The following ZFP2 variants were observed in gnomAD, a reference collection of about 807,000 sequenced individuals.
The protein encoded by ZFP2 is zinc finger protein ZFP2.
In ZFP2, 33 loss-of-function variants were observed where a neutral mutation model predicts 36.1. The ratio of observed to expected loss-of-function variants is 0.92; its 90% confidence interval spans 0.69 to 1.22. The LOEUF is 1.22. Among genes scored for constraint, ZFP2 ranks in the 50% most tolerant of loss-of-function variants. ZFP2 has a pLI of 0.00. For missense variants in ZFP2, 522 were observed against 551.4 expected, an observed-to-expected ratio of 0.95 and a Z score of 0.53; for synonymous variants, 170 against 178.0, an observed-to-expected ratio of 0.96 and a Z score of 0.36.
intron 1 of ZFP2, chr5:178,910,374 C>T (rs1438908120): frequency 2.6e-5 from 27 of 1,022,770 alleles, no homozygotes; most frequent in South Asian, 3.8e-5. Context: ...CTCCTCGGCA[C>T]TGGAGTTGGA....
Position 178,931,141 on chromosome 5 carries a change from T to G in ZFP2, c.-77-96T>G. The G allele has an allele frequency of 2.3e-6, 3 of 1,320,268 alleles. No individual in the cohort carries two copies. The East Asian group carries it at 8.0e-5, about 35-fold the overall frequency. 81.8% of individuals were successfully genotyped at this position (1,320,268 alleles called of 1,614,324 possible). On this transcript the variant is annotated intron_variant, in intron 4 of 4. Transcript: ENST00000361362. ...CAAATGTGCTCAGCAGTTATTTTAGTTGATAGCTAGTTTAATTCTCTCATT... is the reference window on the plus strand; with the variant it reads ...CAAATGTGCTCAGCAGTTATTTTAGGTGATAGCTAGTTTAATTCTCTCATT...
At position 178,913,024 on chromosome 5, in the gene ZFP2, G is replaced by A. The variant is rs1229249199; in HGVS notation, c.-271G>A. On this transcript the variant is annotated 5_prime_UTR_variant, in exon 3 of 5. Coordinates refer to ENST00000361362, the MANE Select transcript of ZFP2 (RefSeq NM_030613.4). ...CCCAATGGGACTTCCCAGCTGGAAC[G>A]AGAACTGAGTCTGATGCAAAAAGAA... The A allele has an allele frequency of 6.1e-6, 6 of 985,768 alleles. No individual in the cohort carries two copies. The highest frequency in any genetic ancestry group is 3.5e-5 in the African/African-American group (2 of 57,224). 61.1% of individuals were successfully genotyped at this position (985,768 alleles called of 1,614,324 possible).
At chr5:178,929,681 A>G (rs569171507) in intron 4 of ZFP2, among the ~76,000 whole-genome samples, 4 of 152,146 alleles carry the variant, frequency 2.6e-5, no homozygotes, top group Admixed American at 1.3e-4. Context: ...AGATGTTCCA[A>G]ACTCTCTCTT....
intron 1 of ZFP2, among the ~76,000 whole-genome samples, chr5:178,907,813 A>G (rs1363965444): frequency 6.6e-6 from 1 of 152,224 alleles, no homozygotes; most frequent in Non-Finnish European, 1.5e-5. Flanking sequence ...AAAGAAAACT[A>G]TCAAAGAAGT....
intron 1 of ZFP2, among the ~76,000 whole-genome samples, chr5:178,911,353 G>A (rs1475427417): frequency 6.6e-6 from 1 of 152,046 alleles, no homozygotes; most frequent in Non-Finnish European, 1.5e-5. Context: ...ACACAAATTT[G>A]AACTACACAG....
Position 178,932,458 on chromosome 5 carries a change from A to G in ZFP2, c.1145A>G (p.Tyr382Cys). The change falls in exon 5 of 5, where the codon TAT becomes TGT. Residue 382 changes from tyrosine (Y) to cysteine (C), a missense_variant. Tyr to Cys is a radical substitution (Grantham distance 194, BLOSUM62 -2). Coordinates refer to ENST00000361362, the MANE Select transcript of ZFP2 (RefSeq NM_030613.4). ...GTCATTCACACTGGAGAGAAACCTTATGAGTGCAATGAATGTGGAAAGGCA... is the reference window on the plus strand; with the variant it reads ...GTCATTCACACTGGAGAGAAACCTTGTGAGTGCAATGAATGTGGAAAGGCA... The part of the protein sequence containing the change: ...HQVIHTGEKP[Y>C]ECNECGKAFS... The G allele has an allele frequency of 6.2e-7, 1 of 1,614,138 alleles. No homozygotes were observed.
At chr5:178,911,131 A>G (rs1758290590) in intron 1 of ZFP2, among the ~76,000 whole-genome samples, 1 of 152,204 alleles carries the variant, frequency 6.6e-6, no homozygotes, top group Non-Finnish European at 1.5e-5. Context: ...GATTTTTAAT[A>G]TATTTTTGTA....
Position 178,917,298 on chromosome 5 carries a change from G to A in ZFP2, c.-78+588G>A, listed in dbSNP as rs146255607. ...TAACCATCCCTAAACATAGGAGCCT[G>A]CTGTCTGTGTTTCACACATGATTTT... On this transcript the variant is annotated intron_variant, in intron 4 of 4. Coordinates refer to ENST00000361362, the MANE Select transcript of ZFP2 (RefSeq NM_030613.4). Among the ~76,000 whole-genome samples the A allele has an allele frequency of 5.0e-3, 761 of 152,272 alleles. 7 individuals are homozygous for A. Among genetic ancestry groups the A allele is most frequent in the African/African-American group, 0.018 (738 of 41,548 alleles).
chr5:178,929,247 T>C (rs142486783), intron 4 of ZFP2, among the ~76,000 whole-genome samples: 46 of 151,600 alleles, frequency 3.0e-4, no homozygotes, highest in African/African-American at 1.0e-3. Context: ...GGGTCCTTTT[T>C]ACTCATGCAA....
chr5:178,898,900 C>T (rs1474473564), intron 1 of ZFP2, among the ~76,000 whole-genome samples: 2 of 152,220 alleles, frequency 1.3e-5, no homozygotes, highest in African/African-American at 4.8e-5. Flanking sequence ...AAGTTATATG[C>T]AAGCTGGTGC....
At chr5:178,897,643 A>AAT (rs768354565) in intron 1 of ZFP2, among the ~76,000 whole-genome samples, 4 of 152,272 alleles carry the variant, frequency 2.6e-5, no homozygotes, top group East Asian at 3.9e-4. Flanking sequence ...TCTTGAATGA[A>AAT]ATATATATAT....
chr5:178,914,660 G>C (rs563918784), intron 3 of ZFP2, among the ~76,000 whole-genome samples: 15 of 152,062 alleles, frequency 9.9e-5, no homozygotes, highest in South Asian at 4.1e-4. Context: ...AGAAGGGAGG[G>C]GGGGACAGAA....
At chr5:178,903,289 G>A (rs1250225135) in intron 1 of ZFP2, among the ~76,000 whole-genome samples, 2 of 152,100 alleles carry the variant, frequency 1.3e-5, no homozygotes, top group East Asian at 3.9e-4. Context: ...AGTATGAATT[G>A]TCTAGGTGTT....
At chr5:178,909,562 A>G in intron 1 of ZFP2, 1 of 649,298 alleles carries the variant, frequency 1.5e-6, no homozygotes, top group Non-Finnish European at 2.2e-6. Flanking sequence ...TGTAGCCCCC[A>G]CGGCCTGGTG....
chr5:178,920,029 C>T (rs372053473), intron 4 of ZFP2, among the ~76,000 whole-genome samples: 1 of 152,014 alleles, frequency 6.6e-6, no homozygotes, highest in Non-Finnish European at 1.5e-5. Flanking sequence ...TTACCCTGTT[C>T]CTATAGGTTG....
At position 178,932,675 on chromosome 5, in the gene ZFP2, ACG is replaced by A. The variant is rs1384009733; in HGVS notation, c.1363_1364del (p.Arg455ThrfsTer26). 3 of 1,605,100 alleles carry A rather than the reference ACG, an allele frequency of 1.9e-6. No homozygotes were observed. In the East Asian group the frequency reaches 6.7e-5, roughly 36 times the overall value. ...KAFSRSTNLT[R>X]HQRTHT Reference sequence around the variant, plus strand: ...CCTTCAGCCGGAGTACAAACCTTACACGACATCAAAGAACTCATACGTGAGGA... The same window carrying A: ...CCTTCAGCCGGAGTACAAACCTTACAACATCAAAGAACTCATACGTGAGGA... On this transcript the variant is annotated frameshift_variant, in exon 5 of 5. Transcript: ENST00000361362. LOFTEE classifies it high-confidence loss of function.
chr5:178,909,868 C>T, intron 1 of ZFP2: 7 of 1,580,244 alleles, frequency 4.4e-6, no homozygotes, highest in Non-Finnish European at 6.1e-6. Context: ...GGGCCAATCA[C>T]CTGAGTGAAG....
At chr5:178,923,809 C>T (rs1403799528) in intron 4 of ZFP2, among the ~76,000 whole-genome samples, 1 of 148,480 alleles carries the variant, frequency 6.7e-6, no homozygotes, top group Non-Finnish European at 1.5e-5. Flanking sequence ...GTCTAAATTC[C>T]ATGAAGGTAT....
chr5:178,931,915 T>G lies in ZFP2; in HGVS notation c.602T>G (p.Leu201Arg). ...AAAGCCTTCCATAAGAATTCATCTC[T>G]TATTCAGCATGAAAGGATTCATACT... Reference protein sequence around the residue: ...CGKAFHKNSSLIQHERIHTGE... With the variant: ...CGKAFHKNSSRIQHERIHTGE... Residue 201 changes from leucine to arginine, a missense_variant, in exon 5 of 5, where the codon CTT (leucine) becomes CGT (arginine). Leu to Arg is a moderately radical substitution (Grantham distance 102, BLOSUM62 -2). Transcript: ENST00000361362. 6.2e-7 allele frequency: 1 copy of G among 1,613,976 alleles called. No individual in the cohort carries two copies. Among genetic ancestry groups the G allele is most frequent in the Non-Finnish European group, 8.5e-7 (1 of 1,179,976 alleles).
Sources: allele counts gnomAD v4.1 joint callset (sites outside exome capture counted in the v4.1 genomes callset), GRCh38; gene constraint gnomAD v4.1.1; transcripts MANE v1.5; gene names NCBI Gene and HGNC (gene_info 2026-07-23, HGNC 2026-07-21).